DAB1: variants seen among roughly 807,000 people sequenced by gnomAD.
DAB1 encodes the protein disabled homolog 1.
Under a neutral mutation model 64.6 loss-of-function variants are expected in DAB1, and 15 were observed. The observed-to-expected ratio is 0.23, with a 90% CI of 0.16 to 0.36. The LOEUF (loss-of-function observed/expected upper bound fraction) is 0.36, where lower values mean the gene tolerates loss of function less well. DAB1 is among the 10% of genes least tolerant of loss of function. The pLI is 1.00. For synonymous variants in DAB1, 235 were observed against 251.9 expected (o/e 0.93, Z 0.64); for missense variants, 596 against 706.7 (o/e 0.84, Z 1.78).
intron 2 of DAB1, among the ~76,000 whole-genome samples, chr1:57,254,297 A>G (rs1340333519): frequency 6.6e-6 from 1 of 152,244 alleles, no homozygotes; most frequent in Non-Finnish European, 1.5e-5. Flanking sequence ...AAGGCCAGTG[A>G]GGACAACCCA....
chr1:57,104,509 G>A (rs1426326639), intron 4 of DAB1, among the ~76,000 whole-genome samples: 2 of 152,160 alleles, frequency 1.3e-5, no homozygotes, highest in African/African-American at 4.8e-5. Flanking sequence ...GGCTTAAATC[G>A]ACTTAAGTCA....
At chr1:58,380,510 T>G (rs1395744783) in intron 3 of DAB1, among the ~76,000 whole-genome samples, 1 of 152,232 alleles carries the variant, frequency 6.6e-6, no homozygotes, top group Non-Finnish European at 1.5e-5. Context: ...GATTGTTGCA[T>G]GAGAAAGAAA....
rs1204430902 is a variant in DAB1, at chr1:56,996,578, G to C, written c.*1566C>G. On this transcript the variant is annotated 3_prime_UTR_variant, in exon 15 of 15. Coordinates refer to ENST00000371236, the MANE Select transcript of DAB1 (RefSeq NM_001365792.1). ...TAGGTGGGAGTGGGGAGGTGGGAGA[G>C]TTTCAGAATCTGAATTCTTCAGAAT... 1 of 152,308 alleles carries C rather than the reference G, an allele frequency of 6.6e-6. No homozygotes were observed. The highest frequency in any genetic ancestry group is 1.5e-5 in the Non-Finnish European group (1 of 68,048). 9.4% of individuals were successfully genotyped at this position (152,308 alleles called of 1,614,324 possible).
At chr1:58,263,730 C>G (rs1328275141) in intron 4 of DAB1, among the ~76,000 whole-genome samples, 2 of 152,158 alleles carry the variant, frequency 1.3e-5, no homozygotes, top group Non-Finnish European at 2.9e-5. Flanking sequence ...ATTTATTTAG[C>G]TCTAATTTTT....
chr1:57,204,189 C>A (rs577201303), intron 2 of DAB1, among the ~76,000 whole-genome samples: 1 of 152,206 alleles, frequency 6.6e-6, no homozygotes, highest in African/African-American at 2.4e-5. Context: ...TGTGCCCGGC[C>A]TGGAGTAGTA....
chr1:57,536,426 A>T (rs533054200), intron 7 of DAB1, among the ~76,000 whole-genome samples: 1 of 152,322 alleles, frequency 6.6e-6, no homozygotes, highest in African/African-American at 2.4e-5. Context: ...GACCTTGACA[A>T]AATCTGAAGT....
intron 6 of DAB1, among the ~76,000 whole-genome samples, chr1:57,751,395 T>C (rs140986474): frequency 6.6e-5 from 10 of 152,154 alleles, no homozygotes; most frequent in African/African-American, 2.4e-4. Flanking sequence ...GGTGGGTCTA[T>C]AAGGGGAGAC....
chr1:58,162,962 C>T (rs1338098451), intron 4 of DAB1, among the ~76,000 whole-genome samples: 1 of 152,128 alleles, frequency 6.6e-6, no homozygotes, highest in Non-Finnish European at 1.5e-5. Context: ...GGGATTGGTA[C>T]TACAATTTAG....
At chr1:57,850,961 C>T (rs1391012010) in intron 1 of DAB1, among the ~76,000 whole-genome samples, 1 of 152,174 alleles carries the variant, frequency 6.6e-6, no homozygotes, top group African/African-American at 2.4e-5. Flanking sequence ...CCCCTGCAAG[C>T]CCCCCAAGGC....
chr1:57,941,395 GTT>G (rs1030945220), intron 5 of DAB1, among the ~76,000 whole-genome samples: 2 of 152,128 alleles, frequency 1.3e-5, no homozygotes, highest in Non-Finnish European at 2.9e-5. Flanking sequence ...TTGGACTTCT[GTT>G]TTCTGTCTGT....
chr1:57,233,813 C>G (rs1489583944), intron 2 of DAB1, among the ~76,000 whole-genome samples: 1 of 151,844 alleles, frequency 6.6e-6, no homozygotes. Flanking sequence ...GTACGGCTTC[C>G]TCTGCAAACT....
In DAB1 at chr1:57,687,875, T is replaced by C. The variant is rs532099848; in HGVS notation, n.552-38210A>G. Among the ~76,000 whole-genome samples the C allele has an allele frequency of 1.1e-3, 162 of 152,202 alleles. 1 individual carries two copies. The highest frequency in any genetic ancestry group is 2.0e-3 in the Non-Finnish European group (134 of 67,992). On this transcript the variant is annotated intron_variant and non_coding_transcript_variant, in intron 6 of 20. Transcript: ENST00000485760. ...AACGGGCTAGCCATATGCAGAAGAATGAAACTAGACCCACTACTTTTCAGC... is the reference window on the plus strand; with the variant it reads ...AACGGGCTAGCCATATGCAGAAGAACGAAACTAGACCCACTACTTTTCAGC...
At chr1:57,445,377 C>T (rs1450913540) in intron 7 of DAB1, among the ~76,000 whole-genome samples, 1 of 152,126 alleles carries the variant, frequency 6.6e-6, no homozygotes, top group African/African-American at 2.4e-5. Context: ...GGTCACACAG[C>T]AAGCTCAGGC....
rs530104043 is a variant in DAB1 at position 57,246,042 on chromosome 1, T to C, written c.67+44922A>G. 3.9e-5 allele frequency among the ~76,000 whole-genome samples: 6 copies of C among 152,358 alleles called. No individual in the cohort carries two copies. The South Asian group carries it at 8.3e-4, about 21-fold the overall frequency. On this transcript the variant is annotated intron_variant, in intron 2 of 14. Coordinates refer to ENST00000371236, the MANE Select transcript of DAB1 (RefSeq NM_001365792.1). Reference sequence around the variant, plus strand: ...GAAGAGCATAAAAATTTGGTAAATTTGCAGCCTGACTAGGTGGTAGAAAAT... The same window carrying C: ...GAAGAGCATAAAAATTTGGTAAATTCGCAGCCTGACTAGGTGGTAGAAAAT...
intron 7 of DAB1, among the ~76,000 whole-genome samples, chr1:57,489,921 A>G (rs982444666): frequency 3.3e-5 from 5 of 152,128 alleles, no homozygotes; most frequent in South Asian, 2.1e-4. Flanking sequence ...CTAATTGCCA[A>G]TGTGATCCAT....
At chr1:58,357,461 A>T (rs1644122746) in intron 3 of DAB1, among the ~76,000 whole-genome samples, 1 of 152,180 alleles carries the variant, frequency 6.6e-6, no homozygotes, top group Non-Finnish European at 1.5e-5. Context: ...TTAGTCATAT[A>T]AGATTTGATA....
intron 3 of DAB1, among the ~76,000 whole-genome samples, chr1:58,456,331 C>T (rs1191544451): frequency 6.6e-6 from 1 of 152,152 alleles, no homozygotes; most frequent in Non-Finnish European, 1.5e-5. Context: ...GCTACAGAGT[C>T]TACATTCATA....
chr1:57,606,513 A>T (rs1380863246), intron 7 of DAB1, among the ~76,000 whole-genome samples: 2 of 74,728 alleles, frequency 2.7e-5, no homozygotes, highest in African/African-American at 1.5e-4. Context: ...ATATAATATA[A>T]TATATATAAT....
chr1:58,064,884 G>A (rs1172887543), intron 5 of DAB1, among the ~76,000 whole-genome samples: 4 of 151,920 alleles, frequency 2.6e-5, no homozygotes, highest in African/African-American at 4.8e-5. Context: ...CACCACGCCC[G>A]GCTAATTTTT....
Sources: allele counts gnomAD v4.1 joint callset (sites outside exome capture counted in the v4.1 genomes callset), GRCh38; gene constraint gnomAD v4.1.1; transcripts MANE v1.5; gene names NCBI Gene and HGNC (gene_info 2026-07-23, HGNC 2026-07-21).